The following POM121 variants were observed in gnomAD, a reference collection of about 807,000 sequenced individuals.
POM121 encodes the protein POM121 transmembrane nucleoporin.
A neutral mutation model predicts 81.3 loss-of-function variants in POM121; 32 were observed. The ratio of observed to expected loss-of-function variants is 0.39; its 90% confidence interval spans 0.30 to 0.53. POM121 has a LOEUF of 0.53. Ranked by LOEUF, POM121 falls within the 20% of genes least tolerant of loss-of-function variation. The pLI is 0.66. For missense variants in POM121, 1,138 were observed against 1,614.6 expected, an observed-to-expected ratio of 0.70 and a Z score of 5.06; for synonymous variants, 514 against 694.2, an observed-to-expected ratio of 0.74 and a Z score of 4.08.
At chr7:72,897,114 T>C (rs1318368695) in intron 3 of POM121, among the ~76,000 whole-genome samples, 1 of 152,110 alleles carries the variant, frequency 6.6e-6, no homozygotes, top group Admixed American at 6.6e-5. Flanking sequence ...ATCGTGCCAC[T>C]GTACTCCAGC....
At chr7:72,931,720 G>A (rs563474818) in intron 5 of POM121, among the ~76,000 whole-genome samples, 53 of 152,028 alleles carry the variant, frequency 3.5e-4, no homozygotes, top group African/African-American at 1.2e-3. Flanking sequence ...ATAGGTGCCC[G>A]CCACCATGCC....
chr7:72,943,014 C>A lies in POM121; in HGVS notation c.3021C>A (p.Pro1007=). 2 of 1,613,814 alleles carry A rather than the reference C, an allele frequency of 1.2e-6. No individual in the cohort carries two copies. Among genetic ancestry groups the A allele is most frequent in the South Asian group, 2.2e-5 (2 of 91,078 alleles). ...FGNSAAPAAA[P]TPAPPSMIKV... is the part of the protein sequence containing the mutation. ...ACTCTGCAGCCCCGGCTGCTGCACC[C>A]ACACCTGCACCTCCGTCCATGATCA... The change falls in exon 11 of 13, where the codon CCC becomes CCA. Residue 1007 remains proline, a synonymous_variant. Transcript: ENST00000434423.
chr7:72,926,886 C>T lies in POM121; in HGVS notation c.945C>T (p.Ala315=). 2 of 1,613,924 alleles carry T rather than the reference C, an allele frequency of 1.2e-6. No individual in the cohort carries two copies. Among genetic ancestry groups the T allele is most frequent in the Non-Finnish European group, 1.7e-6 (2 of 1,179,864 alleles). The change falls in exon 3 of 13, where the codon GCC becomes GCT. Residue 315 remains alanine, a synonymous_variant. Transcript: ENST00000434423. ...DPCAKETVLS[A]LKEKEKKRTV... Reference sequence around the variant, plus strand: ...GTGCAAAGGAGACAGTACTGAGTGCCCTCAAAGAGAAGGAGAAGAAAAGGA... The same window carrying T: ...GTGCAAAGGAGACAGTACTGAGTGCTCTCAAAGAGAAGGAGAAGAAAAGGA...
intron 3 of POM121, among the ~76,000 whole-genome samples, chr7:72,911,729 G>A (rs1793825668): frequency 1.3e-5 from 2 of 152,174 alleles, no homozygotes; most frequent in Non-Finnish European, 2.9e-5. Context: ...AGACGAATGC[G>A]TGGCAAGCAT....
At position 72,938,597 on chromosome 7, in the gene POM121, A is replaced by G. The variant is rs782759954; in HGVS notation, c.1283A>G (p.Lys428Arg). Residue 428 changes from lysine to arginine, a missense_variant, in exon 6 of 13, where the codon AAG (lysine) becomes AGG (arginine). Around this residue, in one of 7 missense-constraint regions of POM121, gnomAD observed 646 missense variants for 633.5 expected, o/e 1.02. Coordinates refer to ENST00000434423, the MANE Select transcript of POM121 (RefSeq NM_001387691.1). ...SSTRGISQLW[K>R]RNGPSSSPFS... ...GTCCCTCTTGATTTTTAGCTCTGGA[A>G]GAGAAATGGCCCCAGTTCATCACCC... 13 of 1,613,784 alleles carry G rather than the reference A, an allele frequency of 8.1e-6. No homozygotes were observed. The South Asian group carries it at 1.4e-4, about 18-fold the overall frequency.
chr7:72,899,308 G>C (rs1180050211), intron 3 of POM121, among the ~76,000 whole-genome samples: 2 of 151,848 alleles, frequency 1.3e-5, no homozygotes. Context: ...TCTGATACCC[G>C]CAGCACATTT....
At chr7:72,892,109 G>A (rs572108713) in intron 3 of POM121, among the ~76,000 whole-genome samples, 13 of 152,268 alleles carry the variant, frequency 8.5e-5, no homozygotes, top group Non-Finnish European at 1.6e-4. Context: ...AGTGAATGTC[G>A]GTTCCTTTTC....
At chr7:72,901,045 G>T (rs1792579642) in intron 3 of POM121, among the ~76,000 whole-genome samples, 1 of 151,504 alleles carries the variant, frequency 6.6e-6, no homozygotes, top group African/African-American at 2.4e-5. Context: ...GACTGCAGTG[G>T]TGTAATCATA....
intron 5 of POM121, among the ~76,000 whole-genome samples, chr7:72,937,719 C>T (rs543355345): frequency 6.6e-6 from 1 of 152,136 alleles, no homozygotes; most frequent in Non-Finnish European, 1.5e-5. Context: ...TAATTAGGCT[C>T]AGCACTTACG....
chr7:72,939,389 G>T lies in POM121; in HGVS notation c.1421G>T (p.Arg474Met). 1.9e-6 allele frequency: 3 copies of T among 1,613,922 alleles called. No homozygotes were observed. Among genetic ancestry groups the T allele is most frequent in the Non-Finnish European group, 2.5e-6 (3 of 1,179,830 alleles). Reference sequence around the variant, plus strand: ...TCTTCAACTCCATTGGCAGCAGACAGGGAGTCCCAGGGAGAAAAGGGTAGG... The same window carrying T: ...TCTTCAACTCCATTGGCAGCAGACATGGAGTCCCAGGGAGAAAAGGGTAGG... ...SSSSTPLAAD[R>M]ESQGEKAADT... is the part of the protein sequence containing the mutation. The change falls in exon 7 of 13, where the codon AGG becomes ATG. Residue 474 changes from arginine (R) to methionine (M), a missense_variant. Physicochemically the swap from Arg to Met is moderately conservative, Grantham distance 91. Around this residue, in one of 7 missense-constraint regions of POM121, gnomAD observed 646 missense variants for 633.5 expected, o/e 1.02. Coordinates refer to ENST00000434423, the MANE Select transcript of POM121 (RefSeq NM_001387691.1).
At chr7:72,909,562 T>C (rs1390854301) in intron 3 of POM121, among the ~76,000 whole-genome samples, 1 of 152,222 alleles carries the variant, frequency 6.6e-6, no homozygotes, top group Non-Finnish European at 1.5e-5. Flanking sequence ...CCAGCAGGGC[T>C]CTGGTTCTAA....
At chr7:72,910,814 G>A (rs188866872) in intron 3 of POM121, among the ~76,000 whole-genome samples, 1 of 152,024 alleles carries the variant, frequency 6.6e-6, no homozygotes, top group Non-Finnish European at 1.5e-5. Flanking sequence ...GGATGAAGGG[G>A]GCACTGGGAT....
chr7:72,919,475 G>A (rs186934302), intron 4 of POM121, among the ~76,000 whole-genome samples: 1 of 151,948 alleles, frequency 6.6e-6, no homozygotes, highest in East Asian at 1.9e-4. Context: ...TGTTGGTGAT[G>A]AATTCTTTCA....
chr7:72,935,398 CT>C (rs1207013142), intron 5 of POM121, among the ~76,000 whole-genome samples: 1 of 152,218 alleles, frequency 6.6e-6, no homozygotes, highest in Non-Finnish European at 1.5e-5. Flanking sequence ...TGGTCTCAAA[CT>C]CCTGAGCTCA....
In POM121 at chr7:72,925,492, C is replaced by G. The variant is rs1213496147; in HGVS notation, c.371C>G (p.Thr124Ser). 2 of 1,533,586 alleles carry G rather than the reference C, an allele frequency of 1.3e-6. No homozygotes were observed. The highest frequency in any genetic ancestry group is 2.7e-5 in the African/African-American group (2 of 72,964). 95.0% of individuals were successfully genotyped at this position (1,533,586 alleles called of 1,614,324 possible). ...AACGGAAACCTCCTAGAGCCGCGGA[C>G]CCTGCTCGAAGGACCTGACCCTGCG... is the stretch of plus-strand genomic sequence containing the variant. ...TANGNLLEPR[T>S]LLEGPDPAEL... is the part of the protein sequence containing the mutation. The change falls in exon 1 of 13, where the codon ACC becomes AGC. Residue 124 changes from threonine (T) to serine (S), a missense_variant. By Grantham distance (58) the Thr-to-Ser change is moderately conservative. This residue lies in a region of POM121 where 646 missense variants were observed against 633.5 expected (regional missense o/e 1.02). Transcript: ENST00000434423.
At chr7:72,911,163 T>C (rs191847079) in intron 3 of POM121, among the ~76,000 whole-genome samples, 2 of 152,274 alleles carry the variant, frequency 1.3e-5, no homozygotes, top group African/African-American at 4.8e-5. Flanking sequence ...TTTGTATTAT[T>C]AGTAGAGATG....
Position 72,925,427 on chromosome 7 carries a change from G to T in POM121, c.306G>T (p.Arg102=), listed in dbSNP as rs1554497023. 1 of 1,533,828 alleles carries T rather than the reference G, an allele frequency of 6.5e-7. No homozygotes were observed. Among genetic ancestry groups the T allele is most frequent in the Non-Finnish European group, 8.7e-7 (1 of 1,146,614 alleles). The change falls in exon 1 of 13, where the codon CGG becomes CGT. Residue 102 remains arginine, a synonymous_variant. Transcript: ENST00000434423. ...LSSFVRKARH[R]RTLFASPLAK... ...CCTTCGTTCGGAAGGCGCGTCATCGGCGAACACTGTTCGCTTCGCCTCTGG... is the reference window on the plus strand; with the variant it reads ...CCTTCGTTCGGAAGGCGCGTCATCGTCGAACACTGTTCGCTTCGCCTCTGG...
At position 72,928,986 on chromosome 7, in the gene POM121, C is replaced by T. The variant is rs114686713; in HGVS notation, c.1103+521C>T. Among the ~76,000 whole-genome samples, 302 of 152,300 alleles carry T rather than the reference C, an allele frequency of 2.0e-3. 3 individuals carry two copies. Among genetic ancestry groups the T allele is most frequent in the African/African-American group, 7.0e-3 (290 of 41,564 alleles). On this transcript the variant is annotated intron_variant, in intron 4 of 12. Transcript: ENST00000434423. ...TAGAATGAGGCAGGTGGATGGTATT[C>T]CTGCCTTCCGTAGTTCTGCTCACTG...
upstream of POM121, among the ~76,000 whole-genome samples, chr7:72,920,566 G>C (rs1177826185): frequency 2.0e-5 from 3 of 152,024 alleles, no homozygotes; most frequent in Non-Finnish European, 4.4e-5. Flanking sequence ...ATGTTAGCCA[G>C]GATGGTCTTG....
Sources: allele counts gnomAD v4.1 joint callset (sites outside exome capture counted in the v4.1 genomes callset), GRCh38; gene constraint gnomAD v4.1.1; regional missense constraint gnomAD v4.1.1; transcripts MANE v1.5; gene names NCBI Gene and HGNC (gene_info 2026-07-23, HGNC 2026-07-21).